NRXN1: variants seen among roughly 807,000 people sequenced by gnomAD.
NRXN1 encodes the protein neurexin 1, also known as neurexin-1.
Under a neutral mutation model 150.9 loss-of-function variants are expected in NRXN1, and 39 were observed. The observed-to-expected ratio is 0.26, with a 90% CI of 0.20 to 0.34. The LOEUF (loss-of-function observed/expected upper bound fraction) is 0.34. Ranked by LOEUF, NRXN1 falls within the 10% of genes least tolerant of loss-of-function variation. The pLI is 1.00. For synonymous variants in NRXN1, 924 were observed against 757.0 expected (o/e 1.22, Z -3.62); for missense variants, 1,815 against 1,949.9 (o/e 0.93, Z 1.30).
intron 5 of NRXN1, among the ~76,000 whole-genome samples, chr2:50,906,182 C>G (rs935108071): frequency 6.6e-6 from 1 of 152,056 alleles, no homozygotes; most frequent in Non-Finnish European, 1.5e-5. Flanking sequence ...AGATTAATAT[C>G]ATATTTGTAG....
chr2:50,715,899 T>G (rs1695812176), intron 5 of NRXN1, among the ~76,000 whole-genome samples: 1 of 152,196 alleles, frequency 6.6e-6, no homozygotes, highest in Non-Finnish European at 1.5e-5. Flanking sequence ...GCCACTCATT[T>G]ACCATTTACC....
At chr2:50,602,578 G>A (rs1157635148) in intron 8 of NRXN1, among the ~76,000 whole-genome samples, 1 of 151,854 alleles carries the variant, frequency 6.6e-6, no homozygotes, top group Non-Finnish European at 1.5e-5. Context: ...ATTATCAAAA[G>A]GAAGTTTCCT....
chr2:49,928,273 C>A (rs1669475830), intron 22 of NRXN1, among the ~76,000 whole-genome samples: 1 of 149,770 alleles, frequency 6.7e-6, no homozygotes, highest in African/African-American at 2.5e-5. Context: ...AAAAAAAAAA[C>A]TCTTGGCAAG....
intron 5 of NRXN1, among the ~76,000 whole-genome samples, chr2:50,653,476 T>C (rs1685934682): frequency 6.6e-6 from 1 of 152,064 alleles, no homozygotes; most frequent in African/African-American, 2.4e-5. Flanking sequence ...CTAGTTTAGG[T>C]TATAGCTTGT....
intron 18 of NRXN1, among the ~76,000 whole-genome samples, chr2:50,158,753 A>T (rs1409835588): frequency 6.6e-6 from 1 of 152,146 alleles, no homozygotes; most frequent in East Asian, 1.9e-4. Flanking sequence ...ACTGGTGAAG[A>T]CATTGGTCTC....
At chr2:50,790,194 A>T (rs758109791) in intron 5 of NRXN1, among the ~76,000 whole-genome samples, 4 of 151,898 alleles carry the variant, frequency 2.6e-5, no homozygotes, top group Non-Finnish European at 4.4e-5. Context: ...TGGCTTCCGA[A>T]TTATGAAATG....
At chr2:50,824,909 G>T (rs1336478602) in intron 5 of NRXN1, among the ~76,000 whole-genome samples, 1 of 152,210 alleles carries the variant, frequency 6.6e-6, no homozygotes, top group African/African-American at 2.4e-5. Context: ...AAGATTAGGT[G>T]CAGGCATCCA....
chr2:50,379,558 G>C (rs2080799289), intron 17 of NRXN1, among the ~76,000 whole-genome samples: 1 of 152,120 alleles, frequency 6.6e-6, no homozygotes. Context: ...GGGAGAGAGA[G>C]AGAATAAGAG....
At chr2:50,620,922 C>T (rs560267061) in intron 7 of NRXN1, 71 of 328,662 alleles carry the variant, frequency 2.2e-4, no homozygotes, top group Admixed American at 4.8e-4. Context: ...GGCTGAGCTG[C>T]GGTCACTCGG....
chr2:50,844,260 C>T (rs1381031001), intron 5 of NRXN1, among the ~76,000 whole-genome samples: 3 of 152,148 alleles, frequency 2.0e-5, no homozygotes, highest in Non-Finnish European at 4.4e-5. Context: ...TCTTCCCGGA[C>T]GTCACCTAAG....
intron 15 of NRXN1, among the ~76,000 whole-genome samples, chr2:50,490,645 G>A (rs2091198127): frequency 6.6e-6 from 1 of 152,192 alleles, no homozygotes. Flanking sequence ...AAGATTGGAA[G>A]AAGCCAGCAG....
intron 15 of NRXN1, among the ~76,000 whole-genome samples, chr2:50,487,710 A>C (rs761729560): frequency 6.6e-6 from 1 of 152,200 alleles, no homozygotes; most frequent in Non-Finnish European, 1.5e-5. Flanking sequence ...TATTACTGAA[A>C]TCCAACTAGA....
intron 5 of NRXN1, among the ~76,000 whole-genome samples, chr2:50,890,193 T>C (rs1174984873): frequency 1.3e-5 from 2 of 151,818 alleles, no homozygotes; most frequent in Non-Finnish European, 3.0e-5. Context: ...TTGCTATCTG[T>C]TATGTTTAGC....
At chr2:50,169,192 C>A (rs1006209667) in intron 18 of NRXN1, among the ~76,000 whole-genome samples, 3 of 152,142 alleles carry the variant, frequency 2.0e-5, no homozygotes, top group Admixed American at 1.3e-4. Context: ...GAACTTAAAT[C>A]ACTTGCTGAA....
At chr2:50,017,503 A>C (rs1487576047) in intron 21 of NRXN1, among the ~76,000 whole-genome samples, 1 of 152,086 alleles carries the variant, frequency 6.6e-6, no homozygotes, top group African/African-American at 2.4e-5. Flanking sequence ...AAATCACAAC[A>C]ATGACAATTT....
chr2:51,026,395 T>C (rs1269014836), intron 2 of NRXN1: 8 of 1,598,928 alleles, frequency 5.0e-6, no homozygotes, highest in Non-Finnish European at 6.8e-6. Context: ...TTTGCTGTAT[T>C]TATACAACAG....
At position 50,209,455 on chromosome 2, in the gene NRXN1, C is replaced by T. The variant is rs533158763; in HGVS notation, c.3546+27334G>A. Among the ~76,000 whole-genome samples the T allele has an allele frequency of 2.0e-5, 3 of 152,218 alleles. No homozygotes were observed. In the East Asian group the frequency reaches 5.8e-4, roughly 30 times the overall value. ...ATGACGTGGGTAGTATTGGAGCCTT[C>T]ATTTTACAAACGAGAAGACTGAGGT... On this transcript the variant is annotated intron_variant, in intron 18 of 22. Coordinates refer to ENST00000401669, the MANE Select transcript of NRXN1 (RefSeq NM_001330078.2).
chr2:50,140,388 G>C (rs751728349), intron 18 of NRXN1, among the ~76,000 whole-genome samples: 3 of 151,974 alleles, frequency 2.0e-5, no homozygotes, highest in Non-Finnish European at 4.4e-5. Flanking sequence ...GATAACCACT[G>C]CAGTACCAAC....
chr2:50,577,036 A>T (rs937069497), intron 8 of NRXN1, among the ~76,000 whole-genome samples: 2 of 151,966 alleles, frequency 1.3e-5, no homozygotes, highest in African/African-American at 4.8e-5. Flanking sequence ...CTATATTCCC[A>T]CTATGGCAAG....
Sources: gnomAD v4.1 joint callset for allele counts (sites outside exome capture counted in the v4.1 genomes callset) on GRCh38, gnomAD v4.1.1 for gene constraint, MANE v1.5 for transcripts, NCBI Gene and HGNC (gene_info 2026-07-23, HGNC 2026-07-21) for gene names.